The following TTC8 variants were observed in gnomAD, a reference collection of about 807,000 sequenced individuals.
TTC8 encodes the protein tetratricopeptide repeat protein 8.
TTC8 carries 47 observed loss-of-function variants against 72.5 expected under a neutral mutation model. The ratio of observed to expected loss-of-function variants is 0.65; its 90% CI spans 0.51 to 0.83. TTC8 has a LOEUF of 0.83. Among genes scored for constraint, TTC8 ranks in the 40% least tolerant of loss-of-function variants. TTC8 has a pLI of 0.00. For synonymous variants in TTC8, 199 were observed against 221.4 expected (o/e 0.90, Z 0.90); for missense variants, 611 against 623.2 (o/e 0.98, Z 0.21).
chr14:88,870,316 A>C, intron 11 of TTC8, 118 bp downstream of exon 11: 1 of 1,110,102 alleles, frequency 9.0e-7, no homozygotes, highest in Non-Finnish European at 1.4e-6. Flanking sequence ...ATGAAACTCA[A>C]ATGTCAACAC....
intron 13 of TTC8, among the ~76,000 whole-genome samples, chr14:88,872,996 A>C (rs1407300743): frequency 6.6e-6 from 1 of 152,130 alleles, no homozygotes; most frequent in African/African-American, 2.4e-5. Context: ...AAGTCAGTGC[A>C]CTCTATGATA....
In TTC8 at chr14:88,824,830, C is replaced by T. The variant is rs2094691276; in HGVS notation, c.114+9C>T. On this transcript the variant is annotated intron_variant, in intron 1 of 14. Transcript: ENST00000380656. ...AGTCCCCTTATGACCAGGTACCGGC[C>T]AGCTCCCGTCAGCCTGTGCATCCTG... is the stretch of plus-strand genomic sequence containing the variant. 7 of 1,604,940 alleles carry T rather than the reference C, an allele frequency of 4.4e-6. No individual in the cohort carries two copies. Among genetic ancestry groups the T allele is most frequent in the African/African-American group, 1.3e-5 (1 of 74,782 alleles).
At chr14:88,835,582 T>C (rs2094746895) in intron 2 of TTC8, among the ~76,000 whole-genome samples, 1 of 152,220 alleles carries the variant, frequency 6.6e-6, no homozygotes, top group South Asian at 2.1e-4. Flanking sequence ...GTACTTCTAA[T>C]ACATAAATAT....
downstream of TTC8, chr14:88,879,657 T>C (rs977188860): frequency 5.7e-5 from 1 of 17,684 alleles, no homozygotes. Context: ...ACTACATTAT[T>C]ATTATTATTA....
intron 7 of TTC8, 117 bp downstream of exon 7, chr14:88,843,967 G>A: frequency 1.3e-6 from 1 of 770,530 alleles, no homozygotes; most frequent in South Asian, 1.7e-5. Flanking sequence ...AAAGATTGGA[G>A]AACTACTAAT....
intron 2 of TTC8, among the ~76,000 whole-genome samples, chr14:88,836,490 TAAAAAAA>T (rs5810432): frequency 7.4e-6 from 1 of 134,370 alleles, no homozygotes; most frequent in East Asian, 2.2e-4. Flanking sequence ...GAGCCTGTCT[TAAAAAAA>T]AAAAAAAAAA....
chr14:88,844,694 G>T (rs201211459), intron 7 of TTC8, among the ~76,000 whole-genome samples: 34 of 151,686 alleles, frequency 2.2e-4, no homozygotes, highest in Middle Eastern at 3.4e-3. Flanking sequence ...ATAGGCGTGT[G>T]CCACCATGCC....
In TTC8 at chr14:88,824,837, C is replaced by T. The variant is rs2094691363; in HGVS notation, c.114+16C>T. 6.2e-7 allele frequency: 1 copy of T among 1,602,544 alleles called. No homozygotes were observed. Among genetic ancestry groups the T allele is most frequent in the Non-Finnish European group, 8.5e-7 (1 of 1,171,724 alleles). The stretch of plus-strand genomic sequence containing the variant: ...TTATGACCAGGTACCGGCCAGCTCC[C>T]GTCAGCCTGTGCATCCTGACGCTGA... On this transcript the variant is annotated intron_variant, in intron 1 of 14. Coordinates refer to ENST00000380656, the MANE Select transcript of TTC8 (RefSeq NM_144596.4).
Position 88,861,207 on chromosome 14 carries a change from G to T in TTC8, c.799-15G>T, listed in dbSNP as rs777344544. ...TAAGAACCTATACTTTTATTGAAATGTATCTTGTTTTTAGGTTTATGTCTC... is the reference window on the plus strand; with the variant it reads ...TAAGAACCTATACTTTTATTGAAATTTATCTTGTTTTTAGGTTTATGTCTC... On this transcript the variant is annotated splice_polypyrimidine_tract_variant and intron_variant, in intron 9 of 14. Transcript: ENST00000380656. 1 of 1,539,884 alleles carries T rather than the reference G, an allele frequency of 6.5e-7. No individual in the cohort carries two copies. The highest frequency in any genetic ancestry group is 1.4e-5 in the African/African-American group (1 of 73,260).
rs1186294869 is a variant in TTC8 at position 88,874,933 on chromosome 14, T to C, written c.1348-93T>C. The stretch of plus-strand genomic sequence containing the variant: ...CGTGTTATTAAAGTCCTGTCATAGG[T>C]AAAGAATTCTTTTACCAAAAAAAAA... On this transcript the variant is annotated intron_variant, in intron 13 of 14. Coordinates refer to ENST00000380656, the MANE Select transcript of TTC8 (RefSeq NM_144596.4). 1.9e-5 allele frequency: 17 copies of C among 903,874 alleles called. No homozygotes were observed. The Admixed American group carries it at 3.9e-4, about 20-fold the overall frequency. The allele number at this position is 903,874 out of a possible 1,614,324, so 56.0% of individuals were successfully genotyped here.
At chr14:88,864,351 T>C (rs1199639708) in intron 10 of TTC8, among the ~76,000 whole-genome samples, 1 of 152,238 alleles carries the variant, frequency 6.6e-6, no homozygotes, top group Non-Finnish European at 1.5e-5. Flanking sequence ...GTGGAATTCA[T>C]GCTTGTTCCA....
chr14:88,833,864 T>G, intron 2 of TTC8, 142 bp downstream of exon 2: 1 of 726,252 alleles, frequency 1.4e-6, no homozygotes, highest in South Asian at 1.5e-5. Flanking sequence ...ATTCTGTGCC[T>G]TCTTATGTAA....
At chr14:88,841,920 G>A (rs2094783689) in intron 6 of TTC8, among the ~76,000 whole-genome samples, 1 of 152,062 alleles carries the variant, frequency 6.6e-6, no homozygotes, top group African/African-American at 2.4e-5. Context: ...TAAAAATTAT[G>A]TACTCCTAAT....
At chr14:88,834,727 G>A (rs768775978) in intron 2 of TTC8, among the ~76,000 whole-genome samples, 10 of 151,910 alleles carry the variant, frequency 6.6e-5, no homozygotes, top group Non-Finnish European at 1.3e-4. Context: ...ATGGGTACAA[G>A]TCATTCAAGA....
At chr14:88,876,767 C>T (rs939701647) in intron 14 of TTC8, among the ~76,000 whole-genome samples, 1 of 152,094 alleles carries the variant, frequency 6.6e-6, no homozygotes, top group African/African-American at 2.4e-5. Context: ...GTGCCAGCAC[C>T]ACTTAAAACC....
At chr14:88,861,112 T>C (rs879872123) in intron 9 of TTC8, 110 bp from the exon 10 acceptor site, 35 of 885,028 alleles carry the variant, frequency 4.0e-5, no homozygotes, top group Non-Finnish European at 5.9e-5. Flanking sequence ...CTAAAAATTC[T>C]TTAATGTAAT....
At chr14:88,833,633 CT>C in intron 1 of TTC8, 59 bp from the exon 2 acceptor site, 1 of 1,531,750 alleles carries the variant, frequency 6.5e-7, no homozygotes. Context: ...GTCCTTAGGA[CT>C]TTTTATTTTA....
intron 8 of TTC8, among the ~76,000 whole-genome samples, chr14:88,853,422 TA>T (rs2094842644): frequency 6.6e-6 from 1 of 152,210 alleles, no homozygotes; most frequent in Non-Finnish European, 1.5e-5. Flanking sequence ...CAAATCTTTT[TA>T]TTTACACTGA....
chr14:88,824,594 G>A, upstream of TTC8: 3 of 803,692 alleles, frequency 3.7e-6, no homozygotes, highest in Non-Finnish European at 4.1e-6. Flanking sequence ...GGCACCTCTC[G>A]GACAAGGCCC....
Sources: gnomAD v4.1 joint callset for allele counts (sites outside exome capture counted in the v4.1 genomes callset) on GRCh38, gnomAD v4.1.1 for gene constraint, MANE v1.5 for transcripts, NCBI Gene and HGNC (gene_info 2026-07-23, HGNC 2026-07-21) for gene names.